TNR: variants seen among roughly 807,000 people sequenced by gnomAD.
TNR encodes the protein tenascin R.
TNR carries 45 observed loss-of-function variants against 150.4 expected under a neutral mutation model. The observed-to-expected ratio is 0.30, with a 90% confidence interval of 0.24 to 0.38. The LOEUF is 0.38. Ranked by LOEUF, TNR falls within the 10% of genes least tolerant of loss-of-function variation. The probability of loss-of-function intolerance (pLI) is 1.00; values close to 1 mark genes in which losing one functional copy is unlikely to be tolerated. For missense variants in TNR, 1,544 were observed against 1,759.1 expected (o/e 0.88, Z 2.19); for synonymous variants, 687 against 678.4 (o/e 1.01, Z -0.20).
intron 2 of TNR, among the ~76,000 whole-genome samples, chr1:175,513,628 T>A (rs1346386321): frequency 6.6e-6 from 1 of 152,210 alleles, no homozygotes; most frequent in Admixed American, 6.5e-5. Flanking sequence ...AGTTTACCAA[T>A]GTGAAATCTA....
At chr1:175,666,697 A>G (rs1665542069) in intron 1 of TNR, among the ~76,000 whole-genome samples, 1 of 152,196 alleles carries the variant, frequency 6.6e-6, no homozygotes, top group Non-Finnish European at 1.5e-5. Flanking sequence ...CCTATTCTGG[A>G]TGCTTCAGGG....
intron 1 of TNR, among the ~76,000 whole-genome samples, chr1:175,701,044 G>A (rs1436500940): frequency 6.6e-6 from 1 of 151,984 alleles, no homozygotes; most frequent in Admixed American, 6.6e-5. Flanking sequence ...TTCACTCCAC[G>A]CCCCTCCACA....
chr1:175,518,815 C>T (rs372197130), intron 2 of TNR, among the ~76,000 whole-genome samples: 1 of 152,176 alleles, frequency 6.6e-6, no homozygotes, highest in African/African-American at 2.4e-5. Flanking sequence ...TTTACAGCCA[C>T]CAGCTTTTCA....
intron 2 of TNR, among the ~76,000 whole-genome samples, chr1:175,429,779 G>A (rs1452799919): frequency 6.6e-6 from 1 of 152,142 alleles, no homozygotes; most frequent in African/African-American, 2.4e-5. Context: ...GAGGAAAGAT[G>A]TTTTCTCTGG....
intron 1 of TNR, among the ~76,000 whole-genome samples, chr1:175,625,131 G>A (rs1664107178): frequency 6.6e-6 from 1 of 152,206 alleles, no homozygotes. Context: ...GCTCCCAAGA[G>A]CCTTGAATAG....
chr1:175,511,128 A>C (rs185137588), intron 2 of TNR, among the ~76,000 whole-genome samples: 3 of 152,186 alleles, frequency 2.0e-5, no homozygotes, highest in African/African-American at 7.2e-5. Flanking sequence ...CTAAGTTGGG[A>C]CTCCCTGGAT....
chr1:175,472,096 C>T (rs1414751564), intron 2 of TNR, among the ~76,000 whole-genome samples: 1 of 152,144 alleles, frequency 6.6e-6, no homozygotes, highest in African/African-American at 2.4e-5. Flanking sequence ...TGTGATCCTG[C>T]CACTGCAATC....
At position 175,694,818 on chromosome 1, in the gene TNR, A is replaced by G. The variant is rs74129308; in HGVS notation, c.-165+48408T>C. On this transcript the variant is annotated intron_variant, in intron 1 of 22. Coordinates refer to ENST00000367674, the MANE Select transcript of TNR (RefSeq NM_003285.3). Reference sequence around the variant, plus strand: ...AGTGAGAAGAAGACATCTACAATCAAAGGAGAGGGAACTTAAAGAAACCAA... The same window carrying G: ...AGTGAGAAGAAGACATCTACAATCAGAGGAGAGGGAACTTAAAGAAACCAA... 5.6e-3 allele frequency among the ~76,000 whole-genome samples: 853 copies of G among 152,292 alleles called. 12 individuals are homozygous for G. Among genetic ancestry groups the G allele is most frequent in the African/African-American group, 0.02 (812 of 41,554 alleles).
chr1:175,366,958 G>T (rs991635014), intron 10 of TNR, among the ~76,000 whole-genome samples: 5 of 152,200 alleles, frequency 3.3e-5, no homozygotes, highest in African/African-American at 7.2e-5. Flanking sequence ...GCTCTGTACA[G>T]CCCTGAGCAG....
chr1:175,434,564 G>T (rs532366703), intron 2 of TNR, among the ~76,000 whole-genome samples: 22 of 152,242 alleles, frequency 1.4e-4, no homozygotes, highest in Non-Finnish European at 2.6e-4. Flanking sequence ...ATAAAACCAC[G>T]TTGAAACCTT....
chr1:175,353,201 G>A (rs1366908660), intron 18 of TNR, among the ~76,000 whole-genome samples: 1 of 152,192 alleles, frequency 6.6e-6, no homozygotes, highest in Non-Finnish European at 1.5e-5. Flanking sequence ...TGAAACATCT[G>A]GCGTCAAATT....
intron 1 of TNR, among the ~76,000 whole-genome samples, chr1:175,641,127 A>G (rs552173274): frequency 6.6e-6 from 1 of 152,198 alleles, no homozygotes; most frequent in African/African-American, 2.4e-5. Context: ...AAATACATGA[A>G]ATTTGGAGAA....
chr1:175,355,260 C>G (rs1311631266), intron 17 of TNR, among the ~76,000 whole-genome samples: 1 of 152,146 alleles, frequency 6.6e-6, no homozygotes, highest in African/African-American at 2.4e-5. Flanking sequence ...AGGTTTAGTC[C>G]TTTGCCTCAA....
chr1:175,465,676 A>T (rs1486730240), intron 2 of TNR, among the ~76,000 whole-genome samples: 1 of 152,172 alleles, frequency 6.6e-6, no homozygotes, highest in Non-Finnish European at 1.5e-5. Context: ...GAACAGAGGG[A>T]GTGAAGAAGT....
chr1:175,635,407 G>T (rs183636980), intron 1 of TNR, among the ~76,000 whole-genome samples: 133 of 152,322 alleles, frequency 8.7e-4, no homozygotes, highest in African/African-American at 3.0e-3. Flanking sequence ...TTTAACATTT[G>T]CCTGCAACAT....
At chr1:175,647,850 G>A (rs2101886174) in intron 1 of TNR, among the ~76,000 whole-genome samples, 1 of 152,174 alleles carries the variant, frequency 6.6e-6, no homozygotes, top group African/African-American at 2.4e-5. Flanking sequence ...TAATTGGCAT[G>A]GTTTCTTCTC....
rs528423598 is a variant in TNR at position 175,441,266 on chromosome 1, A to T, written c.-63-34489T>A. ...CTGTCTGTCTTGGAGGTGTAATTTC[A>T]CTCTAGTTTTGATCTGTTTTATGTG... On this transcript the variant is annotated intron_variant, in intron 2 of 22. Transcript: ENST00000367674. Among the ~76,000 whole-genome samples the T allele has an allele frequency of 2.0e-5, 3 of 151,882 alleles. No individual in the cohort carries two copies. In the East Asian group the frequency reaches 5.8e-4, roughly 29 times the overall value.
chr1:175,631,008 T>C (rs577370442), intron 1 of TNR, among the ~76,000 whole-genome samples: 55 of 152,196 alleles, frequency 3.6e-4, no homozygotes, highest in Non-Finnish European at 7.3e-4. Flanking sequence ...ATAAAAAGAC[T>C]GGTACTACCC....
intron 1 of TNR, among the ~76,000 whole-genome samples, chr1:175,696,564 G>A (rs1047647033): frequency 2.0e-5 from 3 of 152,162 alleles, no homozygotes; most frequent in Admixed American, 6.5e-5. Flanking sequence ...ATATAGCTCA[G>A]TACCCATCTG....
Sources: gnomAD v4.1 joint callset for allele counts (sites outside exome capture counted in the v4.1 genomes callset) on GRCh38, gnomAD v4.1.1 for gene constraint, MANE v1.5 for transcripts, NCBI Gene and HGNC (gene_info 2026-07-23, HGNC 2026-07-21) for gene names.